Variants in MAPRE1 observed in about 807,000 individuals in gnomAD.
MAPRE1 encodes microtubule-associated protein RP/EB family member 1.
In MAPRE1, 5 loss-of-function variants were observed where a neutral mutation model predicts 32.1. That is an observed-to-expected ratio of 0.16 (90% CI 0.08 to 0.33). The LOEUF is 0.33. Ranked by LOEUF, MAPRE1 falls within the 10% of genes least tolerant of loss-of-function variation. The pLI, the probability that MAPRE1 is intolerant of heterozygous loss-of-function variation, is 1.00. For missense variants in MAPRE1, 209 were observed against 327.2 expected (o/e 0.64, Z 2.79); for synonymous variants, 122 against 118.9 (o/e 1.03, Z -0.17).
Position 32,826,970 on chromosome 20 carries a change from T to G in MAPRE1, c.121+922T>G, listed in dbSNP as rs368677089. Among the ~76,000 whole-genome samples, 3 of 152,244 alleles carry G rather than the reference T, an allele frequency of 2.0e-5. No individual in the cohort carries two copies. In the South Asian group the frequency reaches 6.2e-4, roughly 31 times the overall value. On this transcript the variant is annotated intron_variant, in intron 2 of 6. Transcript: ENST00000375571. ...ATGTTTTATTTGAGGACAGTAATTG[T>G]ATTAACTACTGTCTGCTGTTCTAGT...
chr20:32,831,983 G>A (rs1190493558), intron 2 of MAPRE1, among the ~76,000 whole-genome samples: 1 of 150,336 alleles, frequency 6.7e-6, no homozygotes, highest in Non-Finnish European at 1.5e-5. Context: ...TGCCCTCAGT[G>A]TACTTTTGTT....
intron 1 of MAPRE1, among the ~76,000 whole-genome samples, chr20:32,821,524 G>T (rs1250680002): frequency 6.6e-6 from 1 of 152,148 alleles, no homozygotes; most frequent in Non-Finnish European, 1.5e-5. Flanking sequence ...CACAGTTTTT[G>T]GCACAGAGGG....
Position 32,837,011 on chromosome 20 carries a change from C to G in MAPRE1, c.475+170C>G, listed in dbSNP as rs555491430. 1.2e-3 allele frequency among the ~76,000 whole-genome samples: 187 copies of G among 152,276 alleles called. 1 individual carries two copies. Among genetic ancestry groups the G allele is most frequent in the African/African-American group, 4.4e-3 (182 of 41,550 alleles). On this transcript the variant is annotated intron_variant, in intron 4 of 6. Coordinates refer to ENST00000375571, the MANE Select transcript of MAPRE1 (RefSeq NM_012325.3). ...CATCAGGCAGATAACGGTGTGTGTC[C>G]TTAGGTGTCTGTAGCCCTGTGTAAG...
Position 32,825,906 on chromosome 20 carries a change from T to G in MAPRE1, c.-3-19T>G, listed in dbSNP as rs370439792. 6.4e-7 allele frequency: 1 copy of G among 1,572,750 alleles called. No homozygotes were observed. The highest frequency in any genetic ancestry group is 8.7e-7 in the Non-Finnish European group (1 of 1,148,252). On this transcript the variant is annotated intron_variant, in intron 1 of 6. Transcript: ENST00000375571. ...GCCTAATGTAACACAGGCCCTTCTC[T>G]TTTCTTCCCATGCTTTAGAAGATGG...
chr20:32,820,027 C>T lies in MAPRE1; in HGVS notation c.-5C>T, dbSNP rs1188720600. ...CAGTGGACGCGGTTCTGCCGAGAGCCGGTGAGCCGGCTAGCGGGCCCGGGG... is the reference window on the plus strand; with the variant it reads ...CAGTGGACGCGGTTCTGCCGAGAGCTGGTGAGCCGGCTAGCGGGCCCGGGG... On this transcript the variant is annotated splice_region_variant and 5_prime_UTR_variant, in exon 1 of 7. Transcript: ENST00000375571. The T allele has an allele frequency of 1.3e-5, 2 of 151,630 alleles. No homozygotes were observed. The highest frequency in any genetic ancestry group is 6.6e-5 in the Admixed American group (1 of 15,214). 9.4% of individuals were successfully genotyped at this position (151,630 alleles called of 1,614,324 possible).
In MAPRE1 at chr20:32,820,238, T is replaced by C. The variant is rs1982651428; in HGVS notation, c.-4+210T>C. On this transcript the variant is annotated intron_variant, in intron 1 of 6. Transcript: ENST00000375571. Reference sequence around the variant, plus strand: ...GCTGCGCTCTGCTCAGGGGGCGGGGTCTCGGGCCGGAAGTGGGCTGCTGCT... The same window carrying C: ...GCTGCGCTCTGCTCAGGGGGCGGGGCCTCGGGCCGGAAGTGGGCTGCTGCT... 3.8e-5 allele frequency among the ~76,000 whole-genome samples: 4 copies of C among 105,886 alleles called. No individual in the cohort carries two copies. The East Asian group carries it at 9.6e-4, about 25-fold the overall frequency. 69.5% of individuals were successfully genotyped at this position (105,886 alleles called of 152,430 possible).
Position 32,836,610 on chromosome 20 carries a change from C to T in MAPRE1, c.268-24C>T, listed in dbSNP as rs573827644. ...CTTGCCAAAAGCCTCTTTTTTGGGGCTAAACAGTTGTTTTTCTCTGCAGAT... is the reference window on the plus strand; with the variant it reads ...CTTGCCAAAAGCCTCTTTTTTGGGGTTAAACAGTTGTTTTTCTCTGCAGAT... On this transcript the variant is annotated intron_variant, in intron 3 of 6. Coordinates refer to ENST00000375571, the MANE Select transcript of MAPRE1 (RefSeq NM_012325.3). 1.6e-5 allele frequency: 23 copies of T among 1,451,940 alleles called. No homozygotes were observed. In the South Asian group the frequency reaches 2.4e-4, roughly 15 times the overall value. 89.9% of individuals were successfully genotyped at this position (1,451,940 alleles called of 1,614,324 possible).
At chr20:32,845,618 G>A (rs1850075523) in intron 5 of MAPRE1, among the ~76,000 whole-genome samples, 1 of 152,174 alleles carries the variant, frequency 6.6e-6, no homozygotes, top group Non-Finnish European at 1.5e-5. Context: ...GGGGAAGCTA[G>A]ATAAGCTGTT....
rs377478769 is a variant in MAPRE1 at position 32,833,869 on chromosome 20, A to G, written c.267+7A>G. On this transcript the variant is annotated splice_region_variant and intron_variant, in intron 3 of 6. Coordinates refer to ENST00000375571, the MANE Select transcript of MAPRE1 (RefSeq NM_012325.3). ...GAGAATGGGTGTTGACAAAGTAAGTAAACGTTATCTTTTATTGTGGTTAAT... is the reference window on the plus strand; with the variant it reads ...GAGAATGGGTGTTGACAAAGTAAGTGAACGTTATCTTTTATTGTGGTTAAT... The G allele has an allele frequency of 1.9e-6, 3 of 1,611,510 alleles. No homozygotes were observed. The highest frequency in any genetic ancestry group is 8.5e-7 in the Non-Finnish European group (1 of 1,178,108).
intron 2 of MAPRE1, 134 bp downstream of exon 2, chr20:32,826,182 C>A: frequency 3.0e-6 from 2 of 676,542 alleles, no homozygotes; most frequent in Non-Finnish European, 4.7e-6. Context: ...TTCTTCCTCT[C>A]AGCCCTGCCT....
intron 4 of MAPRE1, 112 bp downstream of exon 4, chr20:32,836,953 A>G (rs756553504): frequency 1.7e-5 from 16 of 940,178 alleles, no homozygotes; most frequent in Admixed American, 2.9e-5. Context: ...AAGAAATATA[A>G]TCCCAGGCAT....
At chr20:32,825,872 T>C in intron 1 of MAPRE1, 53 bp from the exon 2 acceptor site, 1 of 1,496,984 alleles carries the variant, frequency 6.7e-7, no homozygotes, top group South Asian at 1.3e-5. Flanking sequence ...CACTTGACCT[T>C]ACTTGCATGC....
chr20:32,845,208 T>C (rs143159657), intron 5 of MAPRE1, among the ~76,000 whole-genome samples: 187 of 151,916 alleles, frequency 1.2e-3, no homozygotes, highest in Non-Finnish European at 2.3e-3. Context: ...ACCTGGCTAA[T>C]TTTTAGATTT....
intron 5 of MAPRE1, among the ~76,000 whole-genome samples, chr20:32,841,962 A>G (rs562105133): frequency 2.0e-5 from 3 of 151,994 alleles, no homozygotes; most frequent in African/African-American, 4.8e-5. Context: ...CATGGTCTTG[A>G]TAGAGTAGAA....
chr20:32,823,308 G>A (rs1183925136), intron 1 of MAPRE1, among the ~76,000 whole-genome samples: 1 of 152,224 alleles, frequency 6.6e-6, no homozygotes, highest in African/African-American at 2.4e-5. Flanking sequence ...TGGAGGGAAC[G>A]AAGTACCGTA....
chr20:32,835,198 C>T (rs28569171), intron 3 of MAPRE1, among the ~76,000 whole-genome samples: 1 of 152,070 alleles, frequency 6.6e-6, no homozygotes, highest in African/African-American at 2.4e-5. Context: ...AGACTCCAGC[C>T]TGGGCAACAG....
At chr20:32,838,229 TG>T (rs1983254599) in intron 4 of MAPRE1, among the ~76,000 whole-genome samples, 5 of 152,218 alleles carry the variant, frequency 3.3e-5, no homozygotes, top group African/African-American at 7.2e-5. Flanking sequence ...TTCCTATACA[TG>T]GAGTCATAGA....
rs923568472 is a variant in MAPRE1, at chr20:32,834,337, G to A, written c.267+475G>A. On this transcript the variant is annotated intron_variant, in intron 3 of 6. Coordinates refer to ENST00000375571, the MANE Select transcript of MAPRE1 (RefSeq NM_012325.3). ...TGCTTTTTATAGAAGGTTACAAGGA[G>A]GCTCCGTGGTGGGTGCTGGAAAACT... Among the ~76,000 whole-genome samples, 8 of 152,310 alleles carry A rather than the reference G, an allele frequency of 5.3e-5. No homozygotes were observed. The South Asian group carries it at 1.7e-3, about 32-fold the overall frequency.
At chr20:32,834,735 A>G (rs1983137944) in intron 3 of MAPRE1, among the ~76,000 whole-genome samples, 1 of 152,172 alleles carries the variant, frequency 6.6e-6, no homozygotes, top group Admixed American at 6.5e-5. Context: ...CATATACAGT[A>G]ATTTTGCATT....
Sources: allele counts gnomAD v4.1 joint callset (sites outside exome capture counted in the v4.1 genomes callset), GRCh38; gene constraint gnomAD v4.1.1; transcripts MANE v1.5; gene names NCBI Gene and HGNC (gene_info 2026-07-23, HGNC 2026-07-21).